Variants in REXO1 observed in about 807,000 individuals in gnomAD.
REXO1 encodes REX1, RNA exonuclease 1 homolog.
In REXO1, 42 loss-of-function variants were observed where a neutral mutation model predicts 102.6. The ratio of observed to expected loss-of-function variants is 0.41; its 90% CI spans 0.32 to 0.53. REXO1 has a LOEUF of 0.53. Among genes scored for constraint, REXO1 ranks in the 20% least tolerant of loss-of-function variants. The pLI, the probability that REXO1 is intolerant of heterozygous loss-of-function variation, is 0.27. For synonymous variants in REXO1, 908 were observed against 779.1 expected (o/e 1.17, Z -2.76); for missense variants, 1,819 against 1,732.5 (o/e 1.05, Z -0.89).
intron 1 of REXO1, among the ~76,000 whole-genome samples, chr19:1,837,118 C>T (rs941428150): frequency 6.6e-6 from 1 of 152,252 alleles, no homozygotes; most frequent in Admixed American, 6.5e-5. Context: ...CTGACCCTCG[C>T]GAAGCGCAAG....
chr19:1,845,026 T>G (rs1274085722), intron 1 of REXO1, among the ~76,000 whole-genome samples: 1 of 152,082 alleles, frequency 6.6e-6, no homozygotes, highest in East Asian at 1.9e-4. Flanking sequence ...GTGTCCTGCC[T>G]CTCAGTAGGA....
intron 1 of REXO1, among the ~76,000 whole-genome samples, chr19:1,847,059 G>T (rs372276737): frequency 6.6e-6 from 1 of 152,188 alleles, no homozygotes; most frequent in African/African-American, 2.4e-5. Context: ...GCTGTCGGCA[G>T]GTCCCTGAGA....
In REXO1 at chr19:1,816,579, C is replaced by G; in HGVS notation, c.3318-10G>C. ...CGTCACCCCCGAAAACCTGGGGGAA[C>G]GGGCAGGAGGGGCACCAGGGCTCAG... On this transcript the variant is annotated splice_polypyrimidine_tract_variant and intron_variant, in intron 13 of 15. Coordinates refer to ENST00000170168, the MANE Select transcript of REXO1 (RefSeq NM_020695.4). 3 of 1,293,200 alleles carry G rather than the reference C, an allele frequency of 2.3e-6. No individual in the cohort carries two copies. Among genetic ancestry groups the G allele is most frequent in the Non-Finnish European group, 3.0e-6 (3 of 991,188 alleles). The allele number at this position is 1,293,200 out of a possible 1,614,324, so 80.1% of individuals were successfully genotyped here. A position where few individuals can be genotyped will look rare whatever the true frequency, so the allele number is the denominator to read the frequency against.
intron 1 of REXO1, among the ~76,000 whole-genome samples, chr19:1,841,361 T>C (rs1268356298): frequency 6.6e-6 from 1 of 152,238 alleles, no homozygotes; most frequent in African/African-American, 2.4e-5. Context: ...GGGATTGCTT[T>C]GCAGAAGGGA....
chr19:1,835,069 G>T (rs1050392268), intron 1 of REXO1: 2 of 294,382 alleles, frequency 6.8e-6, no homozygotes, highest in Non-Finnish European at 1.5e-5. Context: ...CAGGGGGTAC[G>T]GCGTGCTGAG....
At chr19:1,821,049 A>G (rs1256152181) in intron 5 of REXO1, among the ~76,000 whole-genome samples, 1 of 150,664 alleles carries the variant, frequency 6.6e-6, no homozygotes, top group Non-Finnish European at 1.5e-5. Flanking sequence ...GACAAAACAA[A>G]AAAACACCGC....
chr19:1,824,427 C>T (rs1008996246), intron 3 of REXO1: 3 of 152,242 alleles, frequency 2.0e-5, no homozygotes, highest in Admixed American at 6.5e-5. Context: ...CTCTGGAACT[C>T]GGGCAGCGTC....
chr19:1,819,690 C>T (rs928138181), intron 7 of REXO1, among the ~76,000 whole-genome samples: 4 of 152,224 alleles, frequency 2.6e-5, no homozygotes, highest in East Asian at 1.9e-4. Context: ...GGCGGCCCCT[C>T]GGCTCGGCTT....
chr19:1,817,069 T>G, intron 12 of REXO1, 150 bp downstream of exon 12: 1 of 970,090 alleles, frequency 1.0e-6, no homozygotes, highest in Non-Finnish European at 1.5e-6. Context: ...GGGGTGTTGG[T>G]CCAGGGCAGG....
At chr19:1,838,503 C>A (rs1012317175) in intron 1 of REXO1, among the ~76,000 whole-genome samples, 1 of 149,804 alleles carries the variant, frequency 6.7e-6, no homozygotes, top group Non-Finnish European at 1.5e-5. Context: ...TGCCTGTAAT[C>A]CCAGGTAATC....
At chr19:1,818,104 C>T (rs1328148726) in intron 10 of REXO1, among the ~76,000 whole-genome samples, 3 of 152,134 alleles carry the variant, frequency 2.0e-5, no homozygotes, top group African/African-American at 4.8e-5. Context: ...GTGCCCTGAG[C>T]GTGGCTGCGT....
intron 1 of REXO1, among the ~76,000 whole-genome samples, chr19:1,844,741 C>T (rs534679941): frequency 1.2e-3 from 185 of 152,326 alleles, no homozygotes; most frequent in East Asian, 3.3e-3. Context: ...AGGAGCTGTG[C>T]GCCCCGCACA....
intron 6 of REXO1, 101 bp from the exon 7 acceptor site, chr19:1,820,158 G>A: frequency 6.4e-7 from 1 of 1,561,638 alleles, no homozygotes; most frequent in Non-Finnish European, 8.7e-7. Context: ...TCTCTCCCAG[G>A]CAGCTCCGGG....
At position 1,818,771 on chromosome 19, in the gene REXO1, A is replaced by C; in HGVS notation, c.2837T>G (p.Phe946Cys). 3 of 1,610,166 alleles carry C rather than the reference A, an allele frequency of 1.9e-6. No homozygotes were observed. Among genetic ancestry groups the C allele is most frequent in the Non-Finnish European group, 2.5e-6 (3 of 1,179,864 alleles). Residue 946 changes from phenylalanine to cysteine, a missense_variant, in exon 9 of 16, where the codon TTC becomes TGC. By Grantham distance (205) the Phe-to-Cys change is radical. Transcript: ENST00000170168. The part of the protein sequence containing the change: ...QDQLKENGYP[F>C]PHPERPGGAI... The stretch of plus-strand genomic sequence containing the variant: ...GCCCCCGGGCCGCTCTGGGTGCGGG[A>C]AGGGGTAGCCGTTCTCCTTGAGCTG...
chr19:1,837,772 G>A lies in REXO1; in HGVS notation c.158-9141C>T, dbSNP rs527721679. On this transcript the variant is annotated intron_variant, in intron 1 of 15. Coordinates refer to ENST00000170168, the MANE Select transcript of REXO1 (RefSeq NM_020695.4). Reference sequence around the variant, plus strand: ...CCTCCCCACCTCGACAGCGCAGTGTGCAGTGCCAGGACCGCCCAGCAGGTG... The same window carrying A: ...CCTCCCCACCTCGACAGCGCAGTGTACAGTGCCAGGACCGCCCAGCAGGTG... Among the ~76,000 whole-genome samples, 18 of 152,316 alleles carry A rather than the reference G, an allele frequency of 1.2e-4. 1 individual carries two copies. The South Asian group carries it at 2.5e-3, about 21-fold the overall frequency.
chr19:1,841,193 A>T (rs558728223), intron 1 of REXO1, among the ~76,000 whole-genome samples: 1 of 65,572 alleles, frequency 1.5e-5, no homozygotes, highest in Non-Finnish European at 3.4e-5. Flanking sequence ...TTGCCCTGAC[A>T]GTCTCCCTTC....
chr19:1,817,689 T>A lies in REXO1; in HGVS notation c.3090+18A>T, dbSNP rs1293852765. 6.2e-7 allele frequency: 1 copy of A among 1,609,652 alleles called. No homozygotes were observed. The highest frequency in any genetic ancestry group is 1.3e-5 in the African/African-American group (1 of 75,022). The stretch of plus-strand genomic sequence containing the variant: ...TCTGTTGAGAACAGGCAGAGGGGAC[T>A]GGGACGCCAGGGCTCACCTTTGCGA... On this transcript the variant is annotated intron_variant, in intron 11 of 15. Transcript: ENST00000170168.
At chr19:1,829,551 G>A (rs1382060044) in intron 1 of REXO1, among the ~76,000 whole-genome samples, 6 of 152,156 alleles carry the variant, frequency 3.9e-5, no homozygotes, top group Non-Finnish European at 8.8e-5. Flanking sequence ...GCGCACGCCT[G>A]TAATCCCAAC....
chr19:1,829,123 G>A (rs562201454), intron 1 of REXO1, among the ~76,000 whole-genome samples: 2 of 152,336 alleles, frequency 1.3e-5, no homozygotes, highest in South Asian at 2.1e-4. Flanking sequence ...GCGGTGTGGC[G>A]GAGGTGTGCC....
Sources: gnomAD v4.1 joint callset for allele counts (sites outside exome capture counted in the v4.1 genomes callset) on GRCh38, gnomAD v4.1.1 for gene constraint, MANE v1.5 for transcripts, NCBI Gene and HGNC (gene_info 2026-07-23, HGNC 2026-07-21) for gene names.